The following STX18 variants were observed in gnomAD, a reference collection of about 807,000 sequenced individuals.
STX18 encodes syntaxin-18.
STX18 carries 40 observed loss-of-function variants against 50.1 expected under a neutral mutation model. The ratio of observed to expected loss-of-function variants is 0.80; its 90% CI spans 0.62 to 1.04. The LOEUF is 1.04. STX18 is among the 50% of genes least tolerant of loss of function. The pLI is 0.00. For missense variants in STX18, 410 were observed against 415.8 expected (o/e 0.99, Z 0.12); for synonymous variants, 158 against 151.8 (o/e 1.04, Z -0.30).
intron 5 of STX18, among the ~76,000 whole-genome samples, chr4:4,454,728 T>C (rs1429534893): frequency 6.6e-6 from 1 of 152,236 alleles, no homozygotes; most frequent in African/African-American, 2.4e-5. Context: ...TTGAGAAATC[T>C]GCTCCAATTA....
At chr4:4,489,543 C>T (rs1728853536) in intron 1 of STX18, among the ~76,000 whole-genome samples, 1 of 151,116 alleles carries the variant, frequency 6.6e-6, no homozygotes, top group African/African-American at 2.4e-5. Context: ...AGCCACCACA[C>T]CCGGCCAGAA....
At chr4:4,511,091 C>T (rs983177372) in intron 1 of STX18, among the ~76,000 whole-genome samples, 3 of 152,178 alleles carry the variant, frequency 2.0e-5, no homozygotes, top group Non-Finnish European at 2.9e-5. Flanking sequence ...TTGACAGGTA[C>T]AGCAAACCAC....
intron 1 of STX18, among the ~76,000 whole-genome samples, chr4:4,486,629 C>T (rs1238177705): frequency 1.3e-5 from 2 of 152,184 alleles, no homozygotes; most frequent in Non-Finnish European, 2.9e-5. Flanking sequence ...AGTTAACTGG[C>T]TTGAGGACTC....
chr4:4,454,068 T>C (rs1726937935), intron 5 of STX18, among the ~76,000 whole-genome samples: 1 of 152,252 alleles, frequency 6.6e-6, no homozygotes, highest in African/African-American at 2.4e-5. Flanking sequence ...TCAGGAGTTG[T>C]CACACTACTG....
rs114180032 is a variant in STX18, at chr4:4,500,406, A to G, written c.169-28700T>C. On this transcript the variant is annotated intron_variant, in intron 1 of 10. Transcript: ENST00000306200. ...TTTTTCTTGTTACTATTCTCTAACC[A>G]AAACAGTATAACAACTATTTACATA... Among the ~76,000 whole-genome samples the G allele has an allele frequency of 8.6e-3, 1,310 of 152,314 alleles. 16 individuals are homozygous for G. The highest frequency in any genetic ancestry group is 0.03 in the African/African-American group (1,257 of 41,566).
chr4:4,466,129 A>G (rs62289815), intron 2 of STX18, among the ~76,000 whole-genome samples: 24,760 of 152,198 alleles, frequency 0.16, 2,072 homozygotes, highest in African/African-American at 0.18. Flanking sequence ...GCACAGAAAA[A>G]GAGCTGTCAG....
chr4:4,530,998 T>G lies in STX18; in HGVS notation c.168+10799A>C, dbSNP rs562577446. Among the ~76,000 whole-genome samples, 84 of 152,296 alleles carry G rather than the reference T, an allele frequency of 5.5e-4. 1 individual carries two copies. The Middle Eastern group carries it at 0.01, about 19-fold the overall frequency. On this transcript the variant is annotated intron_variant, in intron 1 of 10. Coordinates refer to ENST00000306200, the MANE Select transcript of STX18 (RefSeq NM_016930.4). ...TCAGTTTTGTTTTTACAGTTAAATC[T>G]TTAGTCCATCTAGAAATTTATTTTA...
rs1724865230 is a variant in STX18 at position 4,420,310 on chromosome 4, T to C, written c.913-181A>G. 1 of 582,306 alleles carries C rather than the reference T, an allele frequency of 1.7e-6. No individual in the cohort carries two copies. Among genetic ancestry groups the C allele is most frequent in the South Asian group, 2.0e-5 (1 of 48,836 alleles). 36.1% of individuals were successfully genotyped at this position (582,306 alleles called of 1,614,324 possible). A position where few individuals can be genotyped will look rare whatever the true frequency, so the allele number is the denominator to read the frequency against. On this transcript the variant is annotated intron_variant, in intron 10 of 10. Transcript: ENST00000306200. The surrounding 1 kb of genome is among the most constrained non-coding windows in gnomAD (Gnocchi z 4.3). ...TCCACCAGAAGACAAATGGGTTATA[T>C]TTCCCTCTGTTTGGCCATCATTTGG...
At chr4:4,436,298 G>T (rs1725771826) in intron 6 of STX18, among the ~76,000 whole-genome samples, 1 of 152,144 alleles carries the variant, frequency 6.6e-6, no homozygotes, top group South Asian at 2.1e-4. Flanking sequence ...TGTCATTATA[G>T]AAAAACATGT....
chr4:4,494,441 C>T (rs1359315509), intron 1 of STX18, among the ~76,000 whole-genome samples: 1 of 152,142 alleles, frequency 6.6e-6, no homozygotes, highest in Non-Finnish European at 1.5e-5. Flanking sequence ...CTGTGCTTCA[C>T]TTACAAGGCA....
At chr4:4,423,339 G>C (rs1342754741) in intron 9 of STX18, among the ~76,000 whole-genome samples, 179 bp downstream of exon 9, 1 of 152,226 alleles carries the variant, frequency 6.6e-6, no homozygotes, top group African/African-American at 2.4e-5. Flanking sequence ...CGTGTGCAGA[G>C]GCAGCTCTGG....
chr4:4,461,300 G>A (rs1727366470), intron 2 of STX18, among the ~76,000 whole-genome samples: 1 of 152,132 alleles, frequency 6.6e-6, no homozygotes, highest in South Asian at 2.1e-4. Context: ...TTTTCTCCCA[G>A]ATTGTTTTGT....
At chr4:4,480,650 T>C (rs1257912403) in intron 1 of STX18, among the ~76,000 whole-genome samples, 2 of 152,248 alleles carry the variant, frequency 1.3e-5, no homozygotes, top group East Asian at 3.8e-4. Context: ...ATTTTCTTTT[T>C]TTAAAAAACT....
intron 7 of STX18, among the ~76,000 whole-genome samples, chr4:4,431,354 T>C (rs1310236510): frequency 1.3e-5 from 2 of 152,204 alleles, no homozygotes; most frequent in African/African-American, 4.8e-5. Flanking sequence ...GGATTTCATA[T>C]AAACCGGTGA....
chr4:4,452,998 G>A (rs1726847394), intron 5 of STX18, among the ~76,000 whole-genome samples: 1 of 152,164 alleles, frequency 6.6e-6, no homozygotes, highest in African/African-American at 2.4e-5. Flanking sequence ...CTGAAGATGC[G>A]GCTGAGCTGC....
chr4:4,464,897 G>A (rs139310315), intron 2 of STX18, among the ~76,000 whole-genome samples: 2 of 151,066 alleles, frequency 1.3e-5, no homozygotes, highest in Non-Finnish European at 3.0e-5. Context: ...TGATTTTTTC[G>A]AAGCGTTTTT....
intron 1 of STX18, among the ~76,000 whole-genome samples, chr4:4,504,712 G>A (rs918536506): frequency 6.6e-6 from 1 of 152,076 alleles, no homozygotes; most frequent in Non-Finnish European, 1.5e-5. Flanking sequence ...AAAGATGTTT[G>A]GCTTCATTAG....
At chr4:4,422,914 A>G (rs148193353) in intron 9 of STX18, among the ~76,000 whole-genome samples, 2,854 of 152,362 alleles carry the variant, frequency 0.019, 71 homozygotes, top group Non-Finnish European at 0.024. Context: ...CTAAAAATAA[A>G]AGGGCAAATT....
chr4:4,446,587 A>C (rs1236169047), intron 5 of STX18, among the ~76,000 whole-genome samples: 7 of 152,252 alleles, frequency 4.6e-5, no homozygotes, highest in Non-Finnish European at 7.3e-5. Context: ...GAGGAAATGC[A>C]AACTAAACCC....
Sources: allele counts gnomAD v4.1 joint callset (sites outside exome capture counted in the v4.1 genomes callset), GRCh38; gene constraint gnomAD v4.1.1; non-coding constraint Gnocchi (gnomAD v3.1); transcripts MANE v1.5; gene names NCBI Gene and HGNC (gene_info 2026-07-23, HGNC 2026-07-21).